ZZEF1: variants seen among roughly 807,000 people sequenced by gnomAD.
ZZEF1 encodes the protein zinc finger ZZ-type and EF-hand domain containing 1, also known as zinc finger ZZ-type and EF-hand domain-containing protein 1.
A neutral mutation model predicts 342.8 loss-of-function variants in ZZEF1; 157 were observed. The ratio of observed to expected loss-of-function variants is 0.46; its 90% CI spans 0.40 to 0.52. The LOEUF is 0.52. Ranked by LOEUF, ZZEF1 falls within the 20% of genes least tolerant of loss-of-function variation. The pLI, the probability that ZZEF1 is intolerant of heterozygous loss-of-function variation, is 0.00. For synonymous variants in ZZEF1, 1,505 were observed against 1,429.1 expected, an observed-to-expected ratio of 1.05 and a Z score of -1.20; for missense variants, 3,480 against 3,725.6, an observed-to-expected ratio of 0.93 and a Z score of 1.72.
At chr17:4,112,865 G>C (rs2058336476) in intron 4 of ZZEF1, 57 bp from the exon 5 acceptor site, 2 of 1,418,872 alleles carry the variant, frequency 1.4e-6, no homozygotes, top group Non-Finnish European at 1.9e-6. Flanking sequence ...GAACTGACAG[G>C]ATCCAGAAGT....
intron 39 of ZZEF1, among the ~76,000 whole-genome samples, chr17:4,036,880 G>A (rs1325051192): frequency 1.3e-5 from 2 of 149,828 alleles, no homozygotes; most frequent in African/African-American, 5.0e-5. Context: ...GAAGACTGGG[G>A]AGCAGTGACA....
At chr17:4,048,406 T>C (rs539305579) in intron 37 of ZZEF1, among the ~76,000 whole-genome samples, 1 of 152,294 alleles carries the variant, frequency 6.6e-6, no homozygotes, top group South Asian at 2.1e-4. Context: ...GGGGAATCCT[T>C]GAACTAGCAA....
intron 1 of ZZEF1, among the ~76,000 whole-genome samples, chr17:4,132,947 CAG>C (rs1288053515): frequency 6.6e-6 from 1 of 151,340 alleles, no homozygotes; most frequent in Non-Finnish European, 1.5e-5. Context: ...GCCTGGGCGA[CAG>C]AGCGAGACTC....
intron 52 of ZZEF1, among the ~76,000 whole-genome samples, chr17:4,013,072 G>C (rs1023174066): frequency 1.2e-4 from 17 of 138,830 alleles, no homozygotes; most frequent in Non-Finnish European, 2.5e-4. Context: ...CTGCGTGACA[G>C]AGTGAGACTC....
Position 4,112,743 on chromosome 17 carries a change from C to T in ZZEF1, c.932G>A (p.Ser311Asn). 4 of 1,612,788 alleles carry T rather than the reference C, an allele frequency of 2.5e-6. No individual in the cohort carries two copies. The highest frequency in any genetic ancestry group is 3.4e-6 in the Non-Finnish European group (4 of 1,178,898). The change falls in exon 5 of 55, where the codon AGC becomes AAC. Residue 311 changes from serine (S) to asparagine (N), a missense_variant. Coordinates refer to ENST00000381638, the MANE Select transcript of ZZEF1 (RefSeq NM_015113.4). ...TACTGTCACCTGCTGTGGCATGTAG[C>T]TCTGGTCAGTGGCAGCCACTGCAAT... ...LSIAVAATDQSYMPQQVTVAV... is the reference protein window; with the variant it reads ...LSIAVAATDQNYMPQQVTVAV...
chr17:4,086,386 TCTGG>T, intron 15 of ZZEF1, 96 bp downstream of exon 15: 1 of 1,245,276 alleles, frequency 8.0e-7, no homozygotes, highest in East Asian at 2.4e-5. Context: ...GCAATCCCTT[TCTGG>T]CTCGCATCAT....
At chr17:4,110,007 G>A (rs1016037197) in intron 5 of ZZEF1, 144 bp from the exon 6 acceptor site, 3 of 679,300 alleles carry the variant, frequency 4.4e-6, no homozygotes, top group Admixed American at 2.8e-5. Flanking sequence ...AATAGCATGT[G>A]CAATGGAACT....
intron 3 of ZZEF1, among the ~76,000 whole-genome samples, chr17:4,115,342 T>C (rs185964329): frequency 6.6e-6 from 1 of 152,252 alleles, no homozygotes; most frequent in African/African-American, 2.4e-5. Flanking sequence ...CTTTTTATAC[T>C]TTCCTTATGT....
At chr17:4,083,627 G>T (rs893563569) in intron 16 of ZZEF1, among the ~76,000 whole-genome samples, 1 of 142,700 alleles carries the variant, frequency 7.0e-6, no homozygotes, top group East Asian at 2.1e-4. Context: ...CACATTTTAT[G>T]CTTTTGTTCC....
chr17:4,005,199 G>C lies in ZZEF1; in HGVS notation c.*1691C>G, dbSNP rs923276313. The C allele has an allele frequency of 2.0e-5, 3 of 152,348 alleles. No individual in the cohort carries two copies. Among genetic ancestry groups the C allele is most frequent in the Non-Finnish European group, 4.4e-5 (3 of 68,126 alleles). The allele number at this position is 152,348 out of a possible 1,614,324, so 9.4% of individuals were successfully genotyped here. A position where few individuals can be genotyped will look rare whatever the true frequency, so the allele number is the denominator to read the frequency against. On this transcript the variant is annotated 3_prime_UTR_variant, in exon 55 of 55. Transcript: ENST00000381638. Reference sequence around the variant, plus strand: ...AAACTCCTTACTGGGAGGCCTCCTCGGGTCTGAGGGATGAAGAAGGTGGGG... The same window carrying C: ...AAACTCCTTACTGGGAGGCCTCCTCCGGTCTGAGGGATGAAGAAGGTGGGG...
At position 4,017,677 on chromosome 17, in the gene ZZEF1, C is replaced by T. The variant is rs2056146019; in HGVS notation, c.7695G>A (p.Gln2565=). ...QATAESNPVT[Q]KLISSTESEL... ...CGCTCTCTGTGCTGGAGATCAGCTT[C>T]TGGGTCACAGGGTTCGATTCAGCAG... Residue 2565 remains glutamine, a synonymous_variant, in exon 48 of 55, where the codon CAG becomes CAA. Coordinates refer to ENST00000381638, the MANE Select transcript of ZZEF1 (RefSeq NM_015113.4). This position sits in a 1 kb window ranked among gnomAD's most constrained non-coding sequence, Gnocchi z 5.1. 1 of 1,613,884 alleles carries T rather than the reference C, an allele frequency of 6.2e-7. No individual in the cohort carries two copies. Among genetic ancestry groups the T allele is most frequent in the Non-Finnish European group, 8.5e-7 (1 of 1,180,036 alleles).
At position 4,016,806 on chromosome 17, in the gene ZZEF1, C is replaced by T. The variant is rs967238446; in HGVS notation, c.8002-340G>A. On this transcript the variant is annotated intron_variant, in intron 48 of 54. Coordinates refer to ENST00000381638, the MANE Select transcript of ZZEF1 (RefSeq NM_015113.4). The surrounding 1 kb of genome is among the most constrained non-coding windows in gnomAD (Gnocchi z 4.4). ...ATAAATAATGACCACACAATGTAAT[C>T]GATGCCTGGAGTGAGGTGCAGGGTT... 1 of 228,028 alleles carries T rather than the reference C, an allele frequency of 4.4e-6. No homozygotes were observed. The allele number at this position is 228,028 out of a possible 1,614,324, so 14.1% of individuals were successfully genotyped here.
chr17:4,043,425 CAGAT>C (rs1029503048), intron 38 of ZZEF1, among the ~76,000 whole-genome samples: 25 of 152,178 alleles, frequency 1.6e-4, no homozygotes, highest in Non-Finnish European at 2.8e-4. Context: ...AGATAAGCAT[CAGAT>C]AGAGAGGGCA....
chr17:4,101,725 C>A (rs1352455731), intron 9 of ZZEF1, among the ~76,000 whole-genome samples: 1 of 152,154 alleles, frequency 6.6e-6, no homozygotes, highest in Non-Finnish European at 1.5e-5. Context: ...CTCCCGGGTT[C>A]AAGTGATTCT....
intron 45 of ZZEF1, 172 bp from the exon 46 acceptor site, chr17:4,019,941 T>A (rs564733546): frequency 9.5e-5 from 50 of 528,112 alleles, no homozygotes; most frequent in African/African-American, 8.8e-4. Context: ...CACCAAAACA[T>A]GGACTATAAC....
Position 4,014,604 on chromosome 17 carries a change from C to G in ZZEF1, c.8146-89G>C, listed in dbSNP as rs984753837. On this transcript the variant is annotated intron_variant, in intron 49 of 54. Transcript: ENST00000381638. The surrounding 1 kb of genome is among the most constrained non-coding windows in gnomAD (Gnocchi z 4.4). The stretch of plus-strand genomic sequence containing the variant: ...CCCATGCCGAGTCCTGTGGCTGGAC[C>G]CGGGTGTGTGAGAATGAGTGAACCA... 42 of 1,416,322 alleles carry G rather than the reference C, an allele frequency of 3.0e-5. No individual in the cohort carries two copies. Among genetic ancestry groups the G allele is most frequent in the Middle Eastern group, 4.0e-4 (2 of 4,962 alleles). 87.7% of individuals were successfully genotyped at this position (1,416,322 alleles called of 1,614,324 possible).
intron 40 of ZZEF1, chr17:4,033,344 CTTTTATTAT>C (rs1195526228): frequency 5.2e-6 from 1 of 193,842 alleles, no homozygotes; most frequent in African/African-American, 2.3e-5. Flanking sequence ...TTTTTTCCTT[CTTTTATTAT>C]TATTATTTTT....
At position 4,051,043 on chromosome 17, in the gene ZZEF1, G is replaced by A; in HGVS notation, c.5601C>T (p.Gly1867=). The part of the protein sequence containing the change: ...GCYAAKKYSY[G]HLPTHSITAH... ...CCGTGATGCTGTGGGTAGGCAAATG[G>A]CTGCAAAGGCAAGACACATTTAAAG... Residue 1867 remains glycine, a splice_region_variant and synonymous_variant, in exon 36 of 55, where the codon GGC becomes GGT. Transcript: ENST00000381638. 1 of 1,614,132 alleles carries A rather than the reference G, an allele frequency of 6.2e-7. No individual in the cohort carries two copies. Among genetic ancestry groups the A allele is most frequent in the Non-Finnish European group, 8.5e-7 (1 of 1,180,042 alleles).
chr17:4,058,914 T>C (rs2057226858), intron 31 of ZZEF1, among the ~76,000 whole-genome samples: 1 of 151,652 alleles, frequency 6.6e-6, no homozygotes, highest in Admixed American at 6.6e-5. Flanking sequence ...AAACAGAAAA[T>C]AATAGGCTAT....
Sources: gnomAD v4.1 joint callset for allele counts (sites outside exome capture counted in the v4.1 genomes callset) on GRCh38, gnomAD v4.1.1 for gene constraint, Gnocchi (gnomAD v3.1) non-coding constraint, MANE v1.5 for transcripts, NCBI Gene and HGNC (gene_info 2026-07-23, HGNC 2026-07-21) for gene names.